Variants in PCDHA6 observed in about 807,000 individuals in gnomAD.
The protein encoded by PCDHA6 is protocadherin alpha-6.
PCDHA6 carries 55 observed loss-of-function variants against 60.3 expected under a neutral mutation model. The observed-to-expected ratio is 0.91, with a 90% CI of 0.73 to 1.14. The LOEUF (loss-of-function observed/expected upper bound fraction) is 1.14. Among genes scored for constraint, PCDHA6 ranks in the 50% most tolerant of loss-of-function variants. The probability of loss-of-function intolerance (pLI) is 0.00; values close to 1 mark genes in which losing one functional copy is unlikely to be tolerated. For missense variants in PCDHA6, 1,327 were observed against 1,256.5 expected (o/e 1.06, Z -0.85); for synonymous variants, 652 against 557.9 (o/e 1.17, Z -2.38).
chr5:140,837,381 G>T (rs183895134), intron 1 of PCDHA6, among the ~76,000 whole-genome samples: 1 of 151,662 alleles, frequency 6.6e-6, no homozygotes, highest in Non-Finnish European at 1.5e-5. Flanking sequence ...TTTTTATTTT[G>T]TTCCTTGTTT....
intron 1 of PCDHA6, chr5:140,927,797 C>T (rs1554205063): frequency 6.2e-7 from 1 of 1,614,196 alleles, no homozygotes; most frequent in Non-Finnish European, 8.5e-7. Context: ...CTAGGTCCGC[C>T]TGAAACGCTC....
chr5:140,900,845 C>CT (rs1284280086), intron 1 of PCDHA6, among the ~76,000 whole-genome samples: 1 of 152,106 alleles, frequency 6.6e-6, no homozygotes, highest in Non-Finnish European at 1.5e-5. Context: ...CAAAGTTTCC[C>CT]TTTTTTTCAC....
rs1405025133 is a variant in PCDHA6, at chr5:140,828,918, C to A, written c.827C>A (p.Ala276Glu). The A allele has an allele frequency of 5.6e-6, 9 of 1,614,104 alleles. 1 individual carries two copies. The highest frequency in any genetic ancestry group is 7.6e-6 in the Non-Finnish European group (9 of 1,180,046). The change falls in exon 1 of 4, where the codon GCA becomes GAA. Residue 276 changes from alanine to glutamate, a missense_variant. By Grantham distance (107) the Ala-to-Glu change is moderately radical (BLOSUM62 -1). Transcript: ENST00000529310. ...ASDRDEGANGAISYSFNSLVA... is the reference protein window; with the variant it reads ...ASDRDEGANGEISYSFNSLVA... ...GATCGGGATGAAGGAGCGAATGGGG[C>A]AATTTCATATTCTTTTAATAGCCTT... is the stretch of plus-strand genomic sequence containing the variant.
At position 140,966,546 on chromosome 5, in the gene PCDHA6, C is replaced by G. The variant is rs549303882; in HGVS notation, c.2395-12403C>G. The G allele has an allele frequency of 3.9e-5, 18 of 466,228 alleles. No individual in the cohort carries two copies. The Admixed American group carries it at 6.1e-4, about 16-fold the overall frequency. 28.9% of individuals were successfully genotyped at this position (466,228 alleles called of 1,614,324 possible). On this transcript the variant is annotated intron_variant, in intron 1 of 3. Coordinates refer to ENST00000529310, the MANE Select transcript of PCDHA6 (RefSeq NM_018909.4). ...CGAGCCGGGTTGAGCGACTCGGAGGCGAGCGGAGGAGCTGGAATATGGGGA... is the reference window on the plus strand; with the variant it reads ...CGAGCCGGGTTGAGCGACTCGGAGGGGAGCGGAGGAGCTGGAATATGGGGA...
At chr5:140,950,860 G>A (rs529625926) in intron 1 of PCDHA6, among the ~76,000 whole-genome samples, 25 of 151,860 alleles carry the variant, frequency 1.6e-4, no homozygotes, top group African/African-American at 5.8e-4. Context: ...TCATATTCTT[G>A]TATATTCTAT....
At chr5:140,953,104 G>T (rs535123595) in intron 1 of PCDHA6, among the ~76,000 whole-genome samples, 1 of 152,244 alleles carries the variant, frequency 6.6e-6, no homozygotes, top group African/African-American at 2.4e-5. Flanking sequence ...CATGAGATTT[G>T]GGCAGGGACA....
Position 141,010,263 on chromosome 5 carries a change from C to T in PCDHA6, c.*326C>T, listed in dbSNP as rs782479376. On this transcript the variant is annotated 3_prime_UTR_variant, in exon 4 of 4. Transcript: ENST00000529310. Reference sequence around the variant, plus strand: ...AGGTTGGACTCTCTGCCCTGTGCTCCGGGGATCCTGTCTTGATGACACTTG... The same window carrying T: ...AGGTTGGACTCTCTGCCCTGTGCTCTGGGGATCCTGTCTTGATGACACTTG... The T allele has an allele frequency of 8.4e-6, 13 of 1,551,608 alleles. No homozygotes were observed. Among genetic ancestry groups the T allele is most frequent in the African/African-American group, 5.5e-5 (4 of 73,018 alleles).
chr5:140,873,656 A>G (rs1364222797), intron 1 of PCDHA6, among the ~76,000 whole-genome samples: 2 of 152,120 alleles, frequency 1.3e-5, no homozygotes, highest in Non-Finnish European at 2.9e-5. Flanking sequence ...TACATAACAC[A>G]CTATTATTAT....
chr5:140,999,673 T>G (rs2097868835), intron 3 of PCDHA6, among the ~76,000 whole-genome samples: 1 of 152,050 alleles, frequency 6.6e-6, no homozygotes, highest in Non-Finnish European at 1.5e-5. Context: ...TGCGGGGGGC[T>G]CACAGAAAGA....
chr5:140,914,772 C>T lies in PCDHA6; in HGVS notation c.2395-64177C>T, dbSNP rs143748722. On this transcript the variant is annotated intron_variant, in intron 1 of 3. Transcript: ENST00000529310. ...ATTTGAGGTTACATGAGGTTTATGA[C>T]TTATCTTATGACCCATTATTTTAAA... Among the ~76,000 whole-genome samples, 1,217 of 151,940 alleles carry T rather than the reference C, an allele frequency of 8.0e-3. 6 individuals are homozygous for T. The highest frequency in any genetic ancestry group is 0.019 in the African/African-American group (786 of 41,464).
At chr5:140,863,774 G>A (rs1581698877) in intron 1 of PCDHA6, 2 of 239,304 alleles carry the variant, frequency 8.4e-6, no homozygotes, top group African/African-American at 2.2e-5. Context: ...CGAGGCGGGC[G>A]GATCACTCGA....
Position 140,928,358 on chromosome 5 carries a change from CT to C in PCDHA6, c.2395-50590del, listed in dbSNP as rs782782118. 3.7e-6 allele frequency: 6 copies of C among 1,614,178 alleles called. No homozygotes were observed. In the Admixed American group the frequency reaches 1.0e-4, roughly 27 times the overall value. ...TCTTATGAGCTGTTGGATGTTATCT[CT>C]GAAGGGCCATCAGCCTCTAGCTTGC... On this transcript the variant is annotated intron_variant, in intron 1 of 3. Coordinates refer to ENST00000529310, the MANE Select transcript of PCDHA6 (RefSeq NM_018909.4).
chr5:140,925,455 T>TTG, intron 1 of PCDHA6, among the ~76,000 whole-genome samples: 1 of 152,222 alleles, frequency 6.6e-6, no homozygotes, highest in East Asian at 1.9e-4. Flanking sequence ...GGTGTATCTG[T>TTG]TGTGGCTCAG....
Position 140,842,826 on chromosome 5 carries a change from G to T in PCDHA6, c.2394+12341G>T, listed in dbSNP as rs782132633. On this transcript the variant is annotated intron_variant, in intron 1 of 3. Coordinates refer to ENST00000529310, the MANE Select transcript of PCDHA6 (RefSeq NM_018909.4). ...CTTGTGGAGCGGCGGGTGGGCGAGC[G>T]CTCGCTGTCGAGCTACATTTCGGTG... 3.8e-6 allele frequency: 6 copies of T among 1,593,690 alleles called. 1 individual carries two copies. The highest frequency in any genetic ancestry group is 5.1e-6 in the Non-Finnish European group (6 of 1,165,318).
chr5:140,898,548 T>C (rs1445483717), intron 1 of PCDHA6, among the ~76,000 whole-genome samples: 2 of 152,252 alleles, frequency 1.3e-5, no homozygotes, highest in Non-Finnish European at 2.9e-5. Context: ...CATTTATCTA[T>C]GTCTCTGTTT....
intron 1 of PCDHA6, chr5:140,928,805 T>C (rs1554206331): frequency 6.2e-7 from 1 of 1,614,162 alleles, no homozygotes. Context: ...GTGGTAGTGG[T>C]TCGGGACCAT....
At chr5:140,893,888 G>A (rs1182777052) in intron 1 of PCDHA6, among the ~76,000 whole-genome samples, 1 of 152,128 alleles carries the variant, frequency 6.6e-6, no homozygotes, top group Non-Finnish European at 1.5e-5. Context: ...TGGCCAGAAA[G>A]TTACTTTACC....
At chr5:140,957,023 G>C (rs1360382480) in intron 1 of PCDHA6, among the ~76,000 whole-genome samples, 2 of 152,100 alleles carry the variant, frequency 1.3e-5, no homozygotes, top group Non-Finnish European at 2.9e-5. Flanking sequence ...TGAGCATTTA[G>C]ATATTTATGG....
intron 1 of PCDHA6, among the ~76,000 whole-genome samples, chr5:140,949,788 G>C (rs2094421903): frequency 6.6e-6 from 1 of 151,684 alleles, no homozygotes; most frequent in Non-Finnish European, 1.5e-5. Context: ...GTTTAGATTT[G>C]TGTCCTTCAA....
Sources: allele counts gnomAD v4.1 joint callset (sites outside exome capture counted in the v4.1 genomes callset), GRCh38; gene constraint gnomAD v4.1.1; transcripts MANE v1.5; gene names NCBI Gene and HGNC (gene_info 2026-07-23, HGNC 2026-07-21).